The following UTP6 variants were observed in gnomAD, a reference collection of about 807,000 sequenced individuals.
UTP6 encodes U3 small nucleolar RNA-associated protein 6 homolog.
Under a neutral mutation model 96.5 loss-of-function variants are expected in UTP6, and 60 were observed. The ratio of observed to expected loss-of-function variants is 0.62; its 90% confidence interval spans 0.51 to 0.77. The LOEUF (loss-of-function observed/expected upper bound fraction) is 0.77. Ranked by LOEUF, UTP6 falls within the 30% of genes least tolerant of loss-of-function variation. The pLI, the probability that UTP6 is intolerant of heterozygous loss-of-function variation, is 0.00. For synonymous variants in UTP6, 215 were observed against 240.1 expected (o/e 0.90, Z 0.96); for missense variants, 637 against 706.5 (o/e 0.90, Z 1.12).
chr17:31,897,435 CTTCTA>C, intron 2 of UTP6, among the ~76,000 whole-genome samples: 1 of 145,568 alleles, frequency 6.9e-6, no homozygotes, highest in East Asian at 2.0e-4. Context: ...AAGCTCAAAA[CTTCTA>C]GTCTTTTTTT....
intron 11 of UTP6, 95 bp from the exon 12 acceptor site, chr17:31,878,876 T>C (rs1489965265): frequency 9.7e-6 from 11 of 1,138,742 alleles, no homozygotes; most frequent in Non-Finnish European, 1.3e-5. Context: ...ACAGTCATCC[T>C]ACACCTTTAC....
intron 5 of UTP6, 111 bp downstream of exon 5, chr17:31,892,636 C>CT (rs1904387088): frequency 1.5e-6 from 2 of 1,337,944 alleles, no homozygotes; most frequent in Middle Eastern, 1.9e-4. Context: ...TTCTTGGGTT[C>CT]TTTTTTCATG....
rs775011878 is a variant in UTP6 at position 31,878,768 on chromosome 17, C to T, written c.981G>A (p.Lys327=). The change falls in exon 12 of 19, where the codon AAG becomes AAA. Residue 327 remains lysine (K), a synonymous_variant. Transcript: ENST00000261708. ...VKTLPTEAMW[K]CYITFCLERF... ...TTTCCAAGCAAAAGGTGATGTAACA[C>T]TTCCACATGGCCTCTGGAAAAGTCA... 9.3e-6 allele frequency: 15 copies of T among 1,614,040 alleles called. No homozygotes were observed. The highest frequency in any genetic ancestry group is 1.0e-5 in the Non-Finnish European group (12 of 1,180,016).
chr17:31,874,837 CAGG>C (rs1910397300), intron 14 of UTP6, among the ~76,000 whole-genome samples: 1 of 150,492 alleles, frequency 6.6e-6, no homozygotes, highest in Non-Finnish European at 1.5e-5. Flanking sequence ...GAGGCTGAGG[CAGG>C]AGAATTGCCT....
At chr17:31,877,086 T>C (rs1910541502) in intron 13 of UTP6, among the ~76,000 whole-genome samples, 1 of 152,116 alleles carries the variant, frequency 6.6e-6, no homozygotes, top group Non-Finnish European at 1.5e-5. Context: ...AGGAAACAGG[T>C]ATATTCAAAC....
chr17:31,866,385 G>A (rs945001223), intron 17 of UTP6, among the ~76,000 whole-genome samples: 1 of 151,750 alleles, frequency 6.6e-6, no homozygotes, highest in Admixed American at 6.6e-5. Flanking sequence ...CACAAGGTCA[G>A]GAGTTGAGAC....
Position 31,884,522 on chromosome 17 carries a change from G to A in UTP6, c.704-17C>T. ...ATTCTGCACCTAAATTTAAAAAGCAGGGGAGGGGAAGTTTATTGCCAATAA... is the reference window on the plus strand; with the variant it reads ...ATTCTGCACCTAAATTTAAAAAGCAAGGGAGGGGAAGTTTATTGCCAATAA... On this transcript the variant is annotated splice_polypyrimidine_tract_variant and intron_variant, in intron 9 of 18. Coordinates refer to ENST00000261708, the MANE Select transcript of UTP6 (RefSeq NM_018428.3). 1.2e-6 allele frequency: 2 copies of A among 1,603,422 alleles called. No individual in the cohort carries two copies. The highest frequency in any genetic ancestry group is 4.5e-5 in the East Asian group (2 of 44,620).
intron 6 of UTP6, among the ~76,000 whole-genome samples, chr17:31,889,874 T>C (rs1911386928): frequency 6.6e-6 from 1 of 152,126 alleles, no homozygotes; most frequent in Admixed American, 6.6e-5. Flanking sequence ...CTGCAAAGCT[T>C]GGCTACGTTA....
At chr17:31,885,483 A>G (rs1911095343) in intron 9 of UTP6, among the ~76,000 whole-genome samples, 2 of 151,506 alleles carry the variant, frequency 1.3e-5, no homozygotes, top group African/African-American at 2.4e-5. Flanking sequence ...ATGGGAGTAG[A>G]ATATAAATTT....
chr17:31,865,572 T>G, intron 17 of UTP6, 134 bp from the exon 18 acceptor site: 1 of 798,730 alleles, frequency 1.3e-6, no homozygotes, highest in Non-Finnish European at 1.9e-6. Flanking sequence ...AACTTGGCTC[T>G]CAACTTTTCT....
chr17:31,873,126 T>C, intron 16 of UTP6: 1 of 342,124 alleles, frequency 2.9e-6, no homozygotes, highest in East Asian at 6.2e-5. Flanking sequence ...TGGTGGCAGG[T>C]GCCTGTAATC....
Position 31,873,669 on chromosome 17 carries a change from A to C in UTP6, c.1386+4T>G. 1.2e-6 allele frequency: 2 copies of C among 1,613,804 alleles called. No individual in the cohort carries two copies. The highest frequency in any genetic ancestry group is 1.7e-6 in the Non-Finnish European group (2 of 1,179,958). ...CCACAAGACTTGGAACACGGAGCCT[A>C]TACCTTAAAGACTGCCTCAGTGTCT... is the stretch of plus-strand genomic sequence containing the variant. On this transcript the variant is annotated splice_donor_region_variant and intron_variant, in intron 15 of 18. Transcript: ENST00000261708.
intron 6 of UTP6, among the ~76,000 whole-genome samples, chr17:31,890,869 C>G (rs1911452764): frequency 6.6e-6 from 1 of 151,712 alleles, no homozygotes; most frequent in Non-Finnish European, 1.5e-5. Context: ...CATCTGTAAT[C>G]CCAGCTACTT....
chr17:31,884,325 G>A (rs1911019856), intron 10 of UTP6, 99 bp downstream of exon 10: 2 of 944,070 alleles, frequency 2.1e-6, no homozygotes, highest in Non-Finnish European at 3.1e-6. Flanking sequence ...CAGGGATTTA[G>A]TGTGGTATCT....
At chr17:31,867,366 G>T (rs768629779) in intron 17 of UTP6, among the ~76,000 whole-genome samples, 15 of 151,886 alleles carry the variant, frequency 9.9e-5, no homozygotes, top group Non-Finnish European at 2.1e-4. Context: ...AAATTAGCAG[G>T]GCGTGGCAGC....
chr17:31,898,522 T>C (rs550456221), intron 2 of UTP6, among the ~76,000 whole-genome samples: 121 of 149,264 alleles, frequency 8.1e-4, no homozygotes, highest in African/African-American at 2.9e-3. Context: ...TGAAACTCCA[T>C]CTCAAAAAAA....
At chr17:31,887,191 G>C (rs1324795333) in intron 8 of UTP6, 45 bp downstream of exon 8, 1 of 1,519,976 alleles carries the variant, frequency 6.6e-7, no homozygotes, top group Admixed American at 1.7e-5. Flanking sequence ...GGCTCAAAAT[G>C]TTATACATCG....
At chr17:31,863,649 C>A (rs1025991697) in intron 18 of UTP6, 133 bp from the exon 19 acceptor site, 12 of 777,848 alleles carry the variant, frequency 1.5e-5, no homozygotes, top group Admixed American at 3.1e-5. Context: ...CTTTGTTTAA[C>A]AATACCTCTC....
At chr17:31,885,575 G>C (rs1471540109) in intron 9 of UTP6, among the ~76,000 whole-genome samples, 1 of 151,904 alleles carries the variant, frequency 6.6e-6, no homozygotes, top group Non-Finnish European at 1.5e-5. Flanking sequence ...AGGTCACAAG[G>C]TCAGGAGTAC....
Sources: gnomAD v4.1 joint callset for allele counts (sites outside exome capture counted in the v4.1 genomes callset) on GRCh38, gnomAD v4.1.1 for gene constraint, MANE v1.5 for transcripts, NCBI Gene and HGNC (gene_info 2026-07-23, HGNC 2026-07-21) for gene names.